KSR2: variants seen among roughly 807,000 people sequenced by gnomAD.
KSR2 encodes the protein kinase suppressor of ras 2.
A neutral mutation model predicts 107.8 loss-of-function variants in KSR2; 25 were observed. The ratio of observed to expected loss-of-function variants is 0.23; its 90% confidence interval spans 0.17 to 0.32. KSR2 has a LOEUF of 0.32. KSR2 is among the 10% of genes least tolerant of loss of function. KSR2 has a pLI of 1.00. For synonymous variants in KSR2, 480 were observed against 507.0 expected (o/e 0.95, Z 0.71); for missense variants, 887 against 1,268.9 (o/e 0.70, Z 4.57).
At chr12:117,931,105 C>T (rs1023309001) in intron 1 of KSR2, among the ~76,000 whole-genome samples, 2 of 151,954 alleles carry the variant, frequency 1.3e-5, no homozygotes, top group African/African-American at 2.4e-5. Flanking sequence ...GAGACTTCAG[C>T]GGCTGTGTCT....
intron 5 of KSR2, among the ~76,000 whole-genome samples, chr12:117,583,435 GGATGGA>G (rs1204371183): frequency 6.6e-5 from 10 of 151,006 alleles, no homozygotes; most frequent in African/African-American, 2.4e-4. Flanking sequence ...ATGGATGGAT[GGATGGA>G]TGGATGGATG....
intron 5 of KSR2, among the ~76,000 whole-genome samples, chr12:117,599,621 C>T (rs1251320880): frequency 1.3e-5 from 2 of 152,108 alleles, no homozygotes; most frequent in African/African-American, 2.4e-5. Flanking sequence ...CTCTTACCTA[C>T]TAGATGCCAG....
chr12:117,629,902 C>T (rs759516005), intron 5 of KSR2, among the ~76,000 whole-genome samples: 1 of 152,132 alleles, frequency 6.6e-6, no homozygotes, highest in Non-Finnish European at 1.5e-5. Flanking sequence ...AAAGTCTACT[C>T]CCATCATTCA....
chr12:117,491,988 T>C (rs533417161), intron 14 of KSR2, among the ~76,000 whole-genome samples: 13 of 152,234 alleles, frequency 8.5e-5, no homozygotes, highest in Non-Finnish European at 1.9e-4. Context: ...AGTGGCTCAA[T>C]AGTGTATTTA....
At chr12:117,641,772 T>C (rs954419876) in intron 5 of KSR2, among the ~76,000 whole-genome samples, 1 of 152,068 alleles carries the variant, frequency 6.6e-6, no homozygotes, top group Non-Finnish European at 1.5e-5. Context: ...AAGTTGCCCT[T>C]GAAGAGAAGA....
intron 1 of KSR2, among the ~76,000 whole-genome samples, chr12:117,966,024 G>T (rs946560918): frequency 1.3e-5 from 2 of 151,928 alleles, no homozygotes; most frequent in Non-Finnish European, 2.9e-5. Flanking sequence ...TGCATGCTCT[G>T]TAGCATACTG....
chr12:117,718,382 G>C (rs963017118), intron 4 of KSR2, among the ~76,000 whole-genome samples: 5 of 152,202 alleles, frequency 3.3e-5, no homozygotes, highest in African/African-American at 1.2e-4. Context: ...CTAAATTTTA[G>C]ACAAGTCACT....
At chr12:117,594,396 G>A (rs900044730) in intron 5 of KSR2, among the ~76,000 whole-genome samples, 9 of 152,224 alleles carry the variant, frequency 5.9e-5, no homozygotes, top group Admixed American at 2.6e-4. Context: ...AGTGCCATCC[G>A]AAGAGATGTC....
chr12:117,910,340 G>T (rs1203901638), intron 1 of KSR2, among the ~76,000 whole-genome samples: 1 of 152,180 alleles, frequency 6.6e-6, no homozygotes, highest in Non-Finnish European at 1.5e-5. Flanking sequence ...AACCAAGAGA[G>T]AGTGCCCATT....
chr12:117,768,494 G>A (rs191371818), intron 3 of KSR2, among the ~76,000 whole-genome samples: 1 of 152,300 alleles, frequency 6.6e-6, no homozygotes, highest in East Asian at 1.9e-4. Flanking sequence ...TGGTGCACAG[G>A]CTGTGTGGGC....
chr12:117,846,465 A>AT lies in KSR2; in HGVS notation c.472+8962dup, dbSNP rs575562217. ...TGTGCCACCACACCCAGTTAGATGG[A>AT]TTTTTTGTCTATTTTTTTGTACAGA... On this transcript the variant is annotated intron_variant, in intron 3 of 19. Transcript: ENST00000339824. Among the ~76,000 whole-genome samples the AT allele has an allele frequency of 8.4e-4, 126 of 150,704 alleles. 1 individual carries two copies. The Middle Eastern group carries it at 0.027, about 33-fold the overall frequency.
chr12:117,591,736 G>T (rs935839748), intron 5 of KSR2, among the ~76,000 whole-genome samples: 1 of 152,030 alleles, frequency 6.6e-6, no homozygotes, highest in African/African-American at 2.4e-5. Context: ...TGATGCAGTG[G>T]CTCACGTCCG....
intron 5 of KSR2, among the ~76,000 whole-genome samples, chr12:117,595,351 CTTTTTT>C (rs71099060): frequency 1.4e-4 from 13 of 94,596 alleles, no homozygotes; most frequent in African/African-American, 3.9e-4. Context: ...AGATCAAATT[CTTTTTT>C]TTTTTTTTTT....
chr12:117,874,414 G>A (rs1463622982), intron 1 of KSR2, among the ~76,000 whole-genome samples: 2 of 151,858 alleles, frequency 1.3e-5, no homozygotes, highest in Admixed American at 1.3e-4. Flanking sequence ...TTCATTTTTT[G>A]TAAAGGTAGA....
intron 1 of KSR2, among the ~76,000 whole-genome samples, chr12:117,947,205 A>AAAAGAAAGAAAAGAAAGAAAG: frequency 1.4e-5 from 1 of 69,270 alleles, no homozygotes; most frequent in East Asian, 4.5e-4. Context: ...GAAAAGAAAG[A>AAAAGAAAGAAAAGAAAGAAAG]AAAGAAAGAA....
chr12:117,520,791 C>T (rs954304638), intron 14 of KSR2, among the ~76,000 whole-genome samples: 3 of 152,152 alleles, frequency 2.0e-5, no homozygotes, highest in Non-Finnish European at 4.4e-5. Flanking sequence ...GGACTCCTCA[C>T]CAGGGATTCT....
chr12:117,796,789 C>T (rs1890645955), intron 3 of KSR2, among the ~76,000 whole-genome samples: 1 of 152,140 alleles, frequency 6.6e-6, no homozygotes, highest in African/African-American at 2.4e-5. Context: ...TCAATTAACC[C>T]CGTAGATCTC....
intron 5 of KSR2, among the ~76,000 whole-genome samples, chr12:117,633,179 C>T (rs746077679): frequency 2.6e-5 from 4 of 152,342 alleles, no homozygotes; most frequent in Middle Eastern, 3.4e-3. Flanking sequence ...ACTTAAGTTA[C>T]GATGTTCACT....
At chr12:117,846,541 G>A (rs1018227606) in intron 3 of KSR2, among the ~76,000 whole-genome samples, 6 of 151,884 alleles carry the variant, frequency 4.0e-5, no homozygotes, top group South Asian at 2.1e-4. Context: ...GGACTCAAGC[G>A]ATCCTCCTGC....
Sources: allele counts gnomAD v4.1 joint callset (sites outside exome capture counted in the v4.1 genomes callset), GRCh38; gene constraint gnomAD v4.1.1; transcripts MANE v1.5; gene names NCBI Gene and HGNC (gene_info 2026-07-23, HGNC 2026-07-21).